The following PLCB4 variants were observed in gnomAD, a reference collection of about 807,000 sequenced individuals.
PLCB4 encodes phospholipase C beta 4, also known as 1-phosphatidylinositol 4,5-bisphosphate phosphodiesterase beta-4.
PLCB4 carries 77 observed loss-of-function variants against 178.8 expected under a neutral mutation model. That is an observed-to-expected ratio of 0.43 (90% confidence interval 0.36 to 0.52). The LOEUF is 0.52. Ranked by LOEUF, PLCB4 falls within the 20% of genes least tolerant of loss-of-function variation. The pLI, the probability that PLCB4 is intolerant of heterozygous loss-of-function variation, is 0.00. For missense variants in PLCB4, 1,024 were observed against 1,453.4 expected, an observed-to-expected ratio of 0.70 and a Z score of 4.80; for synonymous variants, 496 against 490.8, an observed-to-expected ratio of 1.01 and a Z score of -0.14.
chr20:9,130,237 T>C (rs1027850641), intron 2 of PLCB4, among the ~76,000 whole-genome samples: 1 of 152,082 alleles, frequency 6.6e-6, no homozygotes, highest in African/African-American at 2.4e-5. Context: ...GTTTAAGTAT[T>C]TACACACCAA....
intron 2 of PLCB4, among the ~76,000 whole-genome samples, chr20:9,116,764 T>C (rs1227289828): frequency 2.6e-5 from 4 of 152,184 alleles, no homozygotes; most frequent in Non-Finnish European, 4.4e-5. Context: ...ATATATGAAA[T>C]TTATAGATTA....
In PLCB4 at chr20:9,317,433, T is replaced by A. The variant is rs958947372; in HGVS notation, c.84+9535T>A. Among the ~76,000 whole-genome samples the A allele has an allele frequency of 3.3e-5, 5 of 152,148 alleles. No individual in the cohort carries two copies. The East Asian group carries it at 9.6e-4, about 29-fold the overall frequency. ...TCTTCTCATTTTCATGTCTCTTCCC[T>A]CTCTGAAGTTTCTTTGGGCTTGCTT... On this transcript the variant is annotated intron_variant, in intron 4 of 39. Coordinates refer to ENST00000378473, the MANE Select transcript of PLCB4 (RefSeq NM_001377142.1).
At chr20:9,252,488 C>T (rs2094191853) in intron 3 of PLCB4, among the ~76,000 whole-genome samples, 1 of 152,192 alleles carries the variant, frequency 6.6e-6, no homozygotes. Flanking sequence ...GTTGCCTGCA[C>T]CCTATCCCAG....
At chr20:9,451,563 A>G (rs1255114111) in intron 32 of PLCB4, among the ~76,000 whole-genome samples, 2 of 152,212 alleles carry the variant, frequency 1.3e-5, no homozygotes, top group East Asian at 1.9e-4. Context: ...CCAAAGTATT[A>G]CAAGAGTAGT....
chr20:9,196,817 A>T (rs2093478194), intron 2 of PLCB4, among the ~76,000 whole-genome samples: 5 of 152,124 alleles, frequency 3.3e-5, no homozygotes, highest in Admixed American at 3.3e-4. Context: ...CAGTAAGCGG[A>T]GGTGTTATTT....
intron 35 of PLCB4, among the ~76,000 whole-genome samples, chr20:9,460,409 T>A (rs1452295273): frequency 6.6e-6 from 1 of 152,204 alleles, no homozygotes; most frequent in Admixed American, 6.5e-5. Context: ...ATTTAATAGC[T>A]ACCTGTGGAG....
intron 25 of PLCB4, among the ~76,000 whole-genome samples, chr20:9,416,474 A>G (rs890427546): frequency 1.3e-5 from 2 of 152,154 alleles, no homozygotes; most frequent in African/African-American, 4.8e-5. Context: ...CTGTGTCATG[A>G]AAGCCAGACC....
At chr20:9,303,216 C>G (rs192741146) in intron 3 of PLCB4, among the ~76,000 whole-genome samples, 357 of 152,264 alleles carry the variant, frequency 2.3e-3, no homozygotes, top group Non-Finnish European at 4.0e-3. Flanking sequence ...TGGGTAGAAG[C>G]TATGTGGTTA....
intron 33 of PLCB4, 41 bp from the exon 34 acceptor site, chr20:9,457,371 AAT>A (rs752826342): frequency 2.7e-5 from 25 of 913,006 alleles, no homozygotes; most frequent in Admixed American, 6.8e-5. Context: ...GGAATGGGAA[AAT>A]ATCTAATTTC....
At chr20:9,199,262 A>C (rs138134202) in intron 2 of PLCB4, among the ~76,000 whole-genome samples, 1 of 152,152 alleles carries the variant, frequency 6.6e-6, no homozygotes, top group Non-Finnish European at 1.5e-5. Flanking sequence ...AGGGAAGTAC[A>C]TTGGGTTTGC....
At position 9,380,129 on chromosome 20, in the gene PLCB4, A is replaced by G. The variant is rs1432849364; in HGVS notation, c.820A>G (p.Met274Val). Reference sequence around the variant, plus strand: ...CAAAAGGGCAATGCAGATCATTGAGATGTATGAACCTGATGAAGATTTGAA... The same window carrying G: ...CAAAAGGGCAATGCAGATCATTGAGGTGTATGAACCTGATGAAGATTTGAA... ...DAKRAMQIIEMYEPDEDLKKK... is the reference protein window; with the variant it reads ...DAKRAMQIIEVYEPDEDLKKK... The change falls in exon 13 of 40, where the codon ATG (methionine) becomes GTG (valine). Residue 274 changes from methionine (M) to valine (V), a missense_variant. By Grantham distance (21) the Met-to-Val change is conservative. Coordinates refer to ENST00000378473, the MANE Select transcript of PLCB4 (RefSeq NM_001377142.1). 1.1e-5 allele frequency: 17 copies of G among 1,582,320 alleles called. No homozygotes were observed. The highest frequency in any genetic ancestry group is 1.5e-5 in the Non-Finnish European group (17 of 1,156,508).
chr20:9,174,063 C>T (rs556305632), intron 2 of PLCB4, among the ~76,000 whole-genome samples: 21 of 152,236 alleles, frequency 1.4e-4, no homozygotes, highest in African/African-American at 4.6e-4. Context: ...ATTAAATAAT[C>T]GCACAAAAAT....
At chr20:9,256,180 A>G (rs534261187) in intron 3 of PLCB4, among the ~76,000 whole-genome samples, 2 of 152,296 alleles carry the variant, frequency 1.3e-5, no homozygotes, top group South Asian at 2.1e-4. Context: ...AAGCATTGGA[A>G]CACATAGCTT....
chr20:9,352,525 C>T (rs1164763995), intron 7 of PLCB4, among the ~76,000 whole-genome samples: 4 of 152,188 alleles, frequency 2.6e-5, no homozygotes, highest in Non-Finnish European at 5.9e-5. Flanking sequence ...CTGAACAGCA[C>T]AGGTGTCCTC....
chr20:9,110,171 T>C (rs1359377447), intron 2 of PLCB4, among the ~76,000 whole-genome samples: 1 of 152,134 alleles, frequency 6.6e-6, no homozygotes, highest in Admixed American at 6.5e-5. Flanking sequence ...AAGGCTAACA[T>C]AGCCTTTCAG....
intron 7 of PLCB4, among the ~76,000 whole-genome samples, chr20:9,354,358 A>C (rs180787575): frequency 2.9e-4 from 44 of 152,284 alleles, no homozygotes; most frequent in Non-Finnish European, 4.3e-4. Flanking sequence ...AATAAAATAA[A>C]ACAAGCCTAC....
chr20:9,325,861 A>T (rs1325975914), intron 4 of PLCB4, among the ~76,000 whole-genome samples: 1 of 152,200 alleles, frequency 6.6e-6, no homozygotes, highest in African/African-American at 2.4e-5. Flanking sequence ...AGGCTGCTAT[A>T]ACAAAATACC....
chr20:9,226,621 A>T (rs2093869175), intron 3 of PLCB4, among the ~76,000 whole-genome samples: 1 of 152,188 alleles, frequency 6.6e-6, no homozygotes, highest in Admixed American at 6.5e-5. Context: ...AGATACTGAG[A>T]ATCTTCGTCC....
At chr20:9,399,708 AG>A (rs1342641142) in intron 19 of PLCB4, among the ~76,000 whole-genome samples, 1 of 152,244 alleles carries the variant, frequency 6.6e-6, no homozygotes, top group African/African-American at 2.4e-5. Flanking sequence ...AATTCTCTTA[AG>A]GTGGTTAGTA....
Sources: allele counts gnomAD v4.1 joint callset (sites outside exome capture counted in the v4.1 genomes callset), GRCh38; gene constraint gnomAD v4.1.1; transcripts MANE v1.5; gene names NCBI Gene and HGNC (gene_info 2026-07-23, HGNC 2026-07-21).